Variants in ABCC4 observed in about 807,000 individuals in gnomAD.
ABCC4 encodes the protein ATP binding cassette subfamily C member 4 (PEL blood group).
Under a neutral mutation model 168.5 loss-of-function variants are expected in ABCC4, and 102 were observed. The ratio of observed to expected loss-of-function variants is 0.61; its 90% CI spans 0.52 to 0.71. ABCC4 has a LOEUF of 0.71. ABCC4 is among the 30% of genes least tolerant of loss of function. The pLI, the probability that ABCC4 is intolerant of heterozygous loss-of-function variation, is 0.00. For missense variants in ABCC4, 1,402 were observed against 1,605.8 expected, an observed-to-expected ratio of 0.87 and a Z score of 2.17; for synonymous variants, 617 against 590.7, an observed-to-expected ratio of 1.04 and a Z score of -0.65.
intron 1 of ABCC4, among the ~76,000 whole-genome samples, chr13:95,297,751 G>A (rs958138967): frequency 6.6e-6 from 1 of 151,482 alleles, no homozygotes; most frequent in Non-Finnish European, 1.5e-5. Flanking sequence ...CAGGCAGATC[G>A]CTGGAGCTCA....
intron 26 of ABCC4, among the ~76,000 whole-genome samples, chr13:95,061,729 T>C (rs144601250): frequency 1.4e-5 from 2 of 146,804 alleles, no homozygotes; most frequent in African/African-American, 5.1e-5. Context: ...ATGTCTGGAG[T>C]TGAATATGTG....
intron 1 of ABCC4, among the ~76,000 whole-genome samples, chr13:95,268,522 TCCCTTGG>T (rs60579026): frequency 0.38 from 57,061 of 151,462 alleles, 12,608 homozygotes; most frequent in African/African-American, 0.63. Context: ...CTCCTGCTCG[TCCCTTGG>T]CCCTTGGCAA....
chr13:95,175,590 G>A (rs1233501286), intron 13 of ABCC4, among the ~76,000 whole-genome samples: 2 of 152,214 alleles, frequency 1.3e-5, no homozygotes, highest in Non-Finnish European at 2.9e-5. Context: ...TTACAGGCAT[G>A]GGCCACAGTG....
At chr13:95,059,445 C>A (rs534310536) in intron 26 of ABCC4, among the ~76,000 whole-genome samples, 1 of 152,174 alleles carries the variant, frequency 6.6e-6, no homozygotes, top group Non-Finnish European at 1.5e-5. Flanking sequence ...AGGGACAAGC[C>A]CCTGTTCTCA....
At chr13:95,126,734 T>TATATATTCCAAA (rs2035780507) in intron 19 of ABCC4, among the ~76,000 whole-genome samples, 1 of 123,938 alleles carries the variant, frequency 8.1e-6, no homozygotes, top group African/African-American at 3.1e-5. Context: ...TATATATATA[T>TATATATTCCAAA]ATATATATAT....
Position 95,178,059 on chromosome 13 carries a change from A to G in ABCC4, c.1578T>C (p.Thr526=), listed in dbSNP as rs759235136. 8.7e-6 allele frequency: 14 copies of G among 1,614,180 alleles called. No homozygotes were observed. Among genetic ancestry groups the G allele is most frequent in the Middle Eastern group, 1.6e-4 (1 of 6,062 alleles). ...DLQLLEDGDL[T]VIGDRGTTLS... ...GCGTGGTTCCCCGATCTCCTATCAC[A>G]GTCAGATCACCATCCTCCAACAGCT... is the stretch of plus-strand genomic sequence containing the variant. The change falls in exon 12 of 31, where the codon ACT becomes ACC. Residue 526 remains threonine (T), a synonymous_variant. Transcript: ENST00000645237.
chr13:95,219,866 T>TC (rs1269865762), intron 4 of ABCC4, among the ~76,000 whole-genome samples: 1 of 150,486 alleles, frequency 6.6e-6, no homozygotes, highest in Non-Finnish European at 1.5e-5. Flanking sequence ...CTGCTTTTTT[T>TC]TTCCCCCCGA....
chr13:95,118,241 G>T (rs1454928160), intron 19 of ABCC4, among the ~76,000 whole-genome samples: 1 of 131,822 alleles, frequency 7.6e-6, no homozygotes, highest in African/African-American at 2.8e-5. Context: ...TTTGCAAAAA[G>T]AATAAAAGTT....
intron 4 of ABCC4, among the ~76,000 whole-genome samples, chr13:95,217,810 T>C (rs1325469690): frequency 1.3e-5 from 2 of 152,262 alleles, no homozygotes; most frequent in Non-Finnish European, 2.9e-5. Context: ...CACAACAATA[T>C]GGCTCTTACC....
At chr13:95,096,098 T>TG in intron 20 of ABCC4, 1 of 545,544 alleles carries the variant, frequency 1.8e-6, no homozygotes. Flanking sequence ...ATCCCAGCAC[T>TG]GAGGTTTGCT....
At chr13:95,171,260 A>T (rs1196993086) in intron 13 of ABCC4, among the ~76,000 whole-genome samples, 1 of 152,146 alleles carries the variant, frequency 6.6e-6, no homozygotes, top group Non-Finnish European at 1.5e-5. Flanking sequence ...AACAGAATCC[A>T]AACAGTCCAA....
At chr13:95,034,465 G>A in intron 30 of ABCC4, 140 bp downstream of exon 30, 3 of 1,271,018 alleles carry the variant, frequency 2.4e-6, no homozygotes, top group Non-Finnish European at 3.2e-6. Flanking sequence ...GTGCCGTTAA[G>A]ACCCACTCAT....
At chr13:95,238,590 T>C (rs972816666) in intron 3 of ABCC4, among the ~76,000 whole-genome samples, 5 of 152,190 alleles carry the variant, frequency 3.3e-5, no homozygotes, top group African/African-American at 1.2e-4. Flanking sequence ...AGTTTCACTC[T>C]TGTTGCGCAG....
rs772205067 is a variant in ABCC4, at chr13:95,163,212, T to G, written c.2218A>C (p.Asn740His). The G allele has an allele frequency of 6.2e-7, 1 of 1,608,462 alleles. No homozygotes were observed. Among genetic ancestry groups the G allele is most frequent in the Non-Finnish European group, 8.5e-7 (1 of 1,175,630 alleles). The change falls in exon 18 of 31, where the codon AAC (asparagine) becomes CAC (histidine). Residue 740 changes from asparagine (N) to histidine (H), a missense_variant. By Grantham distance (68) the Asn-to-His change is moderately conservative. This residue lies in a region of ABCC4 where 1,007 missense variants were observed against 1,127.3 expected (regional missense o/e 0.89). Transcript: ENST00000645237. Reference sequence around the variant, plus strand: ...GTGACATTTAGCATACTTTGTTTGTTTGCCCTATGGAACATGGGGAGAAAA... The same window carrying G: ...GTGACATTTAGCATACTTTGTTTGTGTGCCCTATGGAACATGGGGAGAAAA... ...LQDWWLSYWA[N>H]KQSMLNVTVN...
intron 20 of ABCC4, among the ~76,000 whole-genome samples, chr13:95,100,886 C>T (rs2034778513): frequency 1.3e-5 from 2 of 152,298 alleles, no homozygotes; most frequent in South Asian, 4.1e-4. Flanking sequence ...GAACAAACCT[C>T]AGAAATCTCA....
chr13:95,141,467 G>A (rs1450404576), intron 19 of ABCC4, among the ~76,000 whole-genome samples: 1 of 151,944 alleles, frequency 6.6e-6, no homozygotes, highest in Non-Finnish European at 1.5e-5. Context: ...CTGAGGTGCA[G>A]TATAAAAGCA....
intron 20 of ABCC4, among the ~76,000 whole-genome samples, chr13:95,092,490 T>C (rs1227997757): frequency 1.3e-5 from 2 of 152,028 alleles, no homozygotes; most frequent in African/African-American, 4.8e-5. Context: ...GGGTCAAAAA[T>C]GAAATCAAGA....
chr13:95,106,522 A>G (rs904611770), intron 20 of ABCC4, among the ~76,000 whole-genome samples: 1 of 151,348 alleles, frequency 6.6e-6, no homozygotes, highest in African/African-American at 2.4e-5. Flanking sequence ...TATTTAAAGA[A>G]GAGCAAGCAG....
At chr13:95,157,109 C>T (rs2036890520) in intron 19 of ABCC4, among the ~76,000 whole-genome samples, 1 of 147,806 alleles carries the variant, frequency 6.8e-6, no homozygotes, top group African/African-American at 2.5e-5. Flanking sequence ...CACACACACA[C>T]ACACACACAC....
Sources: allele counts gnomAD v4.1 joint callset (sites outside exome capture counted in the v4.1 genomes callset), GRCh38; gene constraint gnomAD v4.1.1; regional missense constraint gnomAD v4.1.1; transcripts MANE v1.5; gene names NCBI Gene and HGNC (gene_info 2026-07-23, HGNC 2026-07-21).